ADAMTS7: variants seen among roughly 807,000 people sequenced by gnomAD.
ADAMTS7 encodes the protein A disintegrin and metalloproteinase with thrombospondin motifs 7.
A neutral mutation model predicts 172.6 loss-of-function variants in ADAMTS7; 89 were observed. The observed-to-expected ratio is 0.52, with a 90% CI of 0.43 to 0.61. ADAMTS7 has a LOEUF of 0.61. Ranked by LOEUF, ADAMTS7 falls within the 20% of genes least tolerant of loss-of-function variation. The pLI, the probability that ADAMTS7 is intolerant of heterozygous loss-of-function variation, is 0.00. For missense variants in ADAMTS7, 1,973 were observed against 2,355.6 expected, an observed-to-expected ratio of 0.84 and a Z score of 3.36; for synonymous variants, 885 against 978.4, an observed-to-expected ratio of 0.90 and a Z score of 1.78.
intron 23 of ADAMTS7, among the ~76,000 whole-genome samples, chr15:78,759,949 C>T (rs756344804): frequency 7.2e-5 from 11 of 152,170 alleles, no homozygotes; most frequent in African/African-American, 2.4e-4. Context: ...CACAGAACTG[C>T]GGTCCCGGGG....
chr15:78,797,609 G>A (rs777082064), intron 3 of ADAMTS7, among the ~76,000 whole-genome samples: 3 of 152,182 alleles, frequency 2.0e-5, no homozygotes, highest in Non-Finnish European at 4.4e-5. Context: ...CAGCTCACCC[G>A]GCCTGGGCAC....
Position 78,759,439 on chromosome 15 carries a change from C to A in ADAMTS7, c.5043G>T (p.Gln1681His), listed in dbSNP as rs895802142. Residue 1681 changes from glutamine to histidine, a missense_variant, in exon 24 of 24, where the codon CAG (glutamine) becomes CAT (histidine). Coordinates refer to ENST00000388820, the MANE Select transcript of ADAMTS7 (RefSeq NM_014272.5). ...GGCGCAGTCAGCGGCGGGCAACCCG[C>A]TGATGGCCTCGGGAGGGGGCGCCGT... ...PSHGAPSRGH[Q>H]RVARR 18 of 1,594,888 alleles carry A rather than the reference C, an allele frequency of 1.1e-5. No homozygotes were observed. The African/African-American group carries it at 2.0e-4, about 18-fold the overall frequency.
chr15:78,798,430 G>T (rs2055675238), intron 2 of ADAMTS7, among the ~76,000 whole-genome samples: 1 of 152,174 alleles, frequency 6.6e-6, no homozygotes, highest in Non-Finnish European at 1.5e-5. Flanking sequence ...TGACAAAACG[G>T]TGTCTTAGTC....
chr15:78,773,779 C>T (rs986429534), intron 13 of ADAMTS7, among the ~76,000 whole-genome samples: 8 of 152,218 alleles, frequency 5.3e-5, no homozygotes, highest in South Asian at 2.1e-4. Context: ...CCTCATTTAA[C>T]CCCTTCTATC....
intron 4 of ADAMTS7, 118 bp downstream of exon 4, chr15:78,796,472 T>C: frequency 1.7e-6 from 2 of 1,176,106 alleles, no homozygotes; most frequent in Non-Finnish European, 2.4e-6. Flanking sequence ...TCTTCCTACT[T>C]GGGGCCTAGA....
rs976778582 is a variant in ADAMTS7 at position 78,811,215 on chromosome 15, G to A, written c.6C>T (p.Pro2=). The A allele has an allele frequency of 2.4e-6, 3 of 1,228,024 alleles. No homozygotes were observed. Among genetic ancestry groups the A allele is most frequent in the Non-Finnish European group, 3.0e-6 (3 of 985,504 alleles). The allele number at this position is 1,228,024 out of a possible 1,614,324, so 76.1% of individuals were successfully genotyped here. M[P]GGPSPRSPAP... ...CGGGGCTGCGGGGACTGGGGCCGCC[G>A]GGCATGGCAGGAACCGGGCGGCCGC... Residue 2 remains proline, a synonymous_variant, in exon 1 of 24, where the codon CCC becomes CCT. Coordinates refer to ENST00000388820, the MANE Select transcript of ADAMTS7 (RefSeq NM_014272.5).
At chr15:78,783,005 C>T (rs1465703622) in intron 8 of ADAMTS7, among the ~76,000 whole-genome samples, 4 of 152,072 alleles carry the variant, frequency 2.6e-5, no homozygotes, top group East Asian at 1.9e-4. Flanking sequence ...GCAAAATCTA[C>T]ACATTGAAGG....
chr15:78,796,839 A>G lies in ADAMTS7; in HGVS notation c.623-53T>C, dbSNP rs2055652547. ...CTGCCAGTGGACAGGCCCAGGGCAC[A>G]CGTCTCCAGGGCCTCTCCTCAGTGA... On this transcript the variant is annotated intron_variant, in intron 3 of 23. Transcript: ENST00000388820. The G allele has an allele frequency of 2.0e-6, 3 of 1,493,108 alleles. No homozygotes were observed. In the East Asian group the frequency reaches 7.2e-5, roughly 36 times the overall value. 92.5% of individuals were successfully genotyped at this position (1,493,108 alleles called of 1,614,324 possible). A position where few individuals can be genotyped will look rare whatever the true frequency, so the allele number is the denominator to read the frequency against.
chr15:78,778,405 A>G (rs1399442484), intron 8 of ADAMTS7, among the ~76,000 whole-genome samples: 1 of 152,104 alleles, frequency 6.6e-6, no homozygotes, highest in Non-Finnish European at 1.5e-5. Flanking sequence ...CAGGCATGCT[A>G]TTGCTTCTGG....
At chr15:78,778,822 G>A (rs2055390084) in intron 8 of ADAMTS7, among the ~76,000 whole-genome samples, 1 of 152,164 alleles carries the variant, frequency 6.6e-6, no homozygotes, top group Non-Finnish European at 1.5e-5. Context: ...CAGGGAAGAA[G>A]GGCAAAGGTG....
chr15:78,801,399 TC>T (rs1220747727), intron 1 of ADAMTS7, among the ~76,000 whole-genome samples: 2 of 152,160 alleles, frequency 1.3e-5, no homozygotes, highest in African/African-American at 4.8e-5. Context: ...GCATTGCTGT[TC>T]CCTACACCTG....
Position 78,764,577 on chromosome 15 carries a change from C to G in ADAMTS7, c.4397G>C (p.Trp1466Ser). Reference sequence around the variant, plus strand: ...CACCTTACTCCAGTTGCCTGAGTGCCAGGTGGCACAGGGCCGCAGGTGGCA... The same window carrying G: ...CACCTTACTCCAGTTGCCTGAGTGCGAGGTGGCACAGGGCCGCAGGTGGCA... ...RRCHLRPCAT[W>S]HSGNWSKCSR... is the part of the protein sequence containing the mutation. Residue 1466 changes from tryptophan to serine, a missense_variant, in exon 20 of 24, where the codon TGG becomes TCG. Transcript: ENST00000388820. The G allele has an allele frequency of 6.4e-7, 1 of 1,555,440 alleles. No individual in the cohort carries two copies. The highest frequency in any genetic ancestry group is 1.2e-5 in the South Asian group (1 of 85,860).
At chr15:78,808,783 A>C (rs2055829536) in intron 1 of ADAMTS7, among the ~76,000 whole-genome samples, 1 of 152,206 alleles carries the variant, frequency 6.6e-6, no homozygotes, top group African/African-American at 2.4e-5. Context: ...TGGGATGGCA[A>C]CAGGCACCAT....
intron 14 of ADAMTS7, among the ~76,000 whole-genome samples, chr15:78,772,451 C>A (rs999360814): frequency 6.6e-6 from 1 of 152,252 alleles, no homozygotes; most frequent in Admixed American, 6.5e-5. Context: ...ACTCAAGGCC[C>A]CATAGCTGGC....
Position 78,800,366 on chromosome 15 carries a change from G to A in ADAMTS7, c.282C>T (p.Asn94=), listed in dbSNP as rs560463207. Residue 94 remains asparagine (N), a synonymous_variant, in exon 2 of 24, where the codon AAC becomes AAT. Transcript: ENST00000388820. ...CCAGCAGGTGCTGATTGGCGGTCAG[G>A]TTGAAGCGCAGCTCGCGCCCGCGGT... The part of the protein sequence containing the change: ...LQYRGRELRF[N]LTANQHLLAP... The A allele has an allele frequency of 5.2e-5, 83 of 1,607,220 alleles. No homozygotes were observed. The African/African-American group carries it at 1.0e-3, about 20-fold the overall frequency.
Position 78,789,571 on chromosome 15 carries a change from T to C in ADAMTS7, c.1178+118A>G, listed in dbSNP as rs1414212477. 4.3e-6 allele frequency: 6 copies of C among 1,399,078 alleles called. No homozygotes were observed. The Admixed American group carries it at 8.4e-5, about 20-fold the overall frequency. The allele number at this position is 1,399,078 out of a possible 1,614,324, so 86.7% of individuals were successfully genotyped here. On this transcript the variant is annotated intron_variant, in intron 7 of 23. Coordinates refer to ENST00000388820, the MANE Select transcript of ADAMTS7 (RefSeq NM_014272.5). ...GCAGCACATGGCCAGTCAGGGCTCCTTTTCCAGAGAGCTTCCTTTCCCCTG... is the reference window on the plus strand; with the variant it reads ...GCAGCACATGGCCAGTCAGGGCTCCCTTTCCAGAGAGCTTCCTTTCCCCTG...
intron 21 of ADAMTS7, 38 bp downstream of exon 21, chr15:78,763,888 G>C (rs1163122320): frequency 6.4e-7 from 1 of 1,567,560 alleles, no homozygotes; most frequent in South Asian, 1.2e-5. Context: ...CAGGGTCTGA[G>C]GGCGTCCCCT....
At chr15:78,800,599 G>C in intron 1 of ADAMTS7, 52 bp from the exon 2 acceptor site, 2 of 1,534,672 alleles carry the variant, frequency 1.3e-6, no homozygotes, top group Middle Eastern at 1.7e-4. Flanking sequence ...CCGGGTCCTT[G>C]CTGGTGGCCG....
chr15:78,788,331 CGGG>C lies in ADAMTS7; in HGVS notation c.1219_1221del (p.Pro407del). 1.9e-6 allele frequency: 3 copies of C among 1,613,462 alleles called. No homozygotes were observed. Among genetic ancestry groups the C allele is most frequent in the Non-Finnish European group, 2.5e-6 (3 of 1,180,004 alleles). ...GACATGATGAAAGGTCGTTTCCCAA[CGGG>C]CTCACAGTCATTGCCGCTTCCGTCA... On this transcript the variant is annotated inframe_deletion, in exon 8 of 24. Transcript: ENST00000388820.
Sources: allele counts gnomAD v4.1 joint callset (sites outside exome capture counted in the v4.1 genomes callset), GRCh38; gene constraint gnomAD v4.1.1; transcripts MANE v1.5; gene names NCBI Gene and HGNC (gene_info 2026-07-23, HGNC 2026-07-21).